Variants in CDH3 observed in about 807,000 individuals in gnomAD.
CDH3 encodes cadherin-3.
Under a neutral mutation model 82.0 loss-of-function variants are expected in CDH3, and 54 were observed. The ratio of observed to expected loss-of-function variants is 0.66; its 90% CI spans 0.53 to 0.83. CDH3 has a LOEUF of 0.83. Ranked by LOEUF, CDH3 falls within the 40% of genes least tolerant of loss-of-function variation. CDH3 has a pLI of 0.00. For missense variants in CDH3, 1,054 were observed against 1,084.6 expected, an observed-to-expected ratio of 0.97 and a Z score of 0.40; for synonymous variants, 446 against 437.9, an observed-to-expected ratio of 1.02 and a Z score of -0.23.
intron 9 of CDH3, among the ~76,000 whole-genome samples, 161 bp from the exon 10 acceptor site, chr16:68,684,422 G>A (rs1961338843): frequency 1.3e-5 from 2 of 152,186 alleles, no homozygotes; most frequent in Admixed American, 6.5e-5. Context: ...GTGCACTCAG[G>A]AAACACGGGA....
intron 14 of CDH3, 66 bp downstream of exon 14, chr16:68,695,451 G>C: frequency 1.3e-6 from 2 of 1,511,354 alleles, no homozygotes; most frequent in Non-Finnish European, 1.8e-6. Context: ...GGGCTGTTGG[G>C]TCAACCAACT....
chr16:68,646,055 GC>G, intron 2 of CDH3: 1 of 437,532 alleles, frequency 2.3e-6, no homozygotes, highest in Admixed American at 3.8e-5. Flanking sequence ...TCCCCCGCTG[GC>G]CCCAGCAGAG....
At chr16:68,717,166 T>C (rs1165881728) in intron 1 of CDH3, among the ~76,000 whole-genome samples, 1 of 152,244 alleles carries the variant, frequency 6.6e-6, no homozygotes, top group Non-Finnish European at 1.5e-5. Flanking sequence ...TTTAAAATTT[T>C]TTTCTATTGC....
chr16:68,665,264 C>T (rs1473393400), intron 2 of CDH3, among the ~76,000 whole-genome samples: 2 of 151,770 alleles, frequency 1.3e-5, no homozygotes, highest in Non-Finnish European at 2.9e-5. Flanking sequence ...AAAAATTAGC[C>T]GGGTGTGGTG....
chr16:68,653,907 C>T (rs745600959), intron 2 of CDH3, among the ~76,000 whole-genome samples: 1 of 151,394 alleles, frequency 6.6e-6, no homozygotes, highest in Non-Finnish European at 1.5e-5. Flanking sequence ...TTAGTAGAGA[C>T]GAGGTTTCGC....
downstream of CDH3, among the ~76,000 whole-genome samples, chr16:68,728,870 C>T (rs1597833424): frequency 3.3e-5 from 5 of 152,126 alleles, no homozygotes; most frequent in South Asian, 4.1e-4. Context: ...GCTATGGGAG[C>T]GCCCGGCAAC....
At chr16:68,727,154 G>C (rs991684741) in exon 3 of CDH3, among the ~76,000 whole-genome samples, 2 of 152,198 alleles carry the variant, frequency 1.3e-5, no homozygotes, top group Non-Finnish European at 2.9e-5. Context: ...TTCTTCTAGA[G>C]CTGGGACACC....
chr16:68,656,792 A>G (rs1195042867), intron 2 of CDH3, among the ~76,000 whole-genome samples: 3 of 152,160 alleles, frequency 2.0e-5, no homozygotes, highest in Non-Finnish European at 4.4e-5. Context: ...TTGAATTCCT[A>G]TTCTCTCCAC....
At chr16:68,700,594 A>G (rs1008308172), downstream of CDH3, among the ~76,000 whole-genome samples, 7 of 152,212 alleles carry the variant, frequency 4.6e-5, no homozygotes, top group Admixed American at 1.3e-4. Flanking sequence ...ACTTGAGGTC[A>G]GGGGTTCGAG....
Position 68,679,802 on chromosome 16 carries a change from C to T in CDH3, c.695C>T (p.Thr232Ile), listed in dbSNP as rs772390040. Residue 232 changes from threonine to isoleucine, a missense_variant, in exon 7 of 16, where the codon ACT becomes ATT. Transcript: ENST00000264012. ...GSVLEGVLPGTSVMQVTATDE... is the reference protein window; with the variant it reads ...GSVLEGVLPGISVMQVTATDE... ...GATACTCATCCCTTCTCTCCAGGTACTTCTGTGATGCAGGTGACAGCCACG... is the reference window on the plus strand; with the variant it reads ...GATACTCATCCCTTCTCTCCAGGTATTTCTGTGATGCAGGTGACAGCCACG... The T allele has an allele frequency of 1.0e-5, 16 of 1,605,896 alleles. No individual in the cohort carries two copies. In the South Asian group the frequency reaches 1.8e-4, roughly 18 times the overall value.
chr16:68,671,579 T>G (rs1020697226), intron 2 of CDH3, among the ~76,000 whole-genome samples: 4 of 136,992 alleles, frequency 2.9e-5, no homozygotes, highest in Admixed American at 8.5e-5. Context: ...TGGAGTGAGG[T>G]GGTGCGATCT....
rs369625818 is a variant in CDH3 at position 68,705,914 on chromosome 16, C to T, written c.99+9991C>T. 1.3e-4 allele frequency among the ~76,000 whole-genome samples: 20 copies of T among 151,306 alleles called. 1 individual carries two copies. The highest frequency in any genetic ancestry group is 4.4e-4 in the African/African-American group (18 of 41,350). Reference sequence around the variant, plus strand: ...CCCCATCTCTACTAAAAATACAAAACATTAGCGCGGCGTGGTGGCACGTGC... The same window carrying T: ...CCCCATCTCTACTAAAAATACAAAATATTAGCGCGGCGTGGTGGCACGTGC... On this transcript the variant is annotated intron_variant, in intron 1 of 2. Coordinates refer to the CDH3 transcript ENST00000569080.
intron 8 of CDH3, 84 bp from the exon 9 acceptor site, chr16:68,682,218 C>A: frequency 6.8e-7 from 1 of 1,465,476 alleles, no homozygotes; most frequent in South Asian, 1.2e-5. Context: ...TGGGGATCCC[C>A]TGAGGTTGGA....
chr16:68,646,832 TAA>T (rs1960088017), intron 2 of CDH3, among the ~76,000 whole-genome samples: 1 of 152,186 alleles, frequency 6.6e-6, no homozygotes. Context: ...AGCATTCTTC[TAA>T]AGTCTCCATC....
At chr16:68,686,182 C>T (rs759604978) in intron 11 of CDH3, among the ~76,000 whole-genome samples, 15 of 152,202 alleles carry the variant, frequency 9.9e-5, no homozygotes, top group Non-Finnish European at 1.9e-4. Context: ...CTGAGTGTGC[C>T]GCCTCCCAGT....
intron 9 of CDH3, 121 bp downstream of exon 9, chr16:68,682,608 C>T: frequency 3.4e-6 from 3 of 892,458 alleles, no homozygotes; most frequent in South Asian, 1.4e-5. Context: ...CCAGTGGCTC[C>T]CAACACTGTT....
chr16:68,711,833 G>A (rs917877227), intron 1 of CDH3, among the ~76,000 whole-genome samples: 2 of 151,952 alleles, frequency 1.3e-5, no homozygotes, highest in South Asian at 2.1e-4. Context: ...TTTCAGTATC[G>A]GACAGTGGAG....
downstream of CDH3, among the ~76,000 whole-genome samples, chr16:68,731,045 A>ATATACAT (rs1396395240): frequency 2.0e-3 from 35 of 17,262 alleles, no homozygotes; most frequent in African/African-American, 5.1e-3. Flanking sequence ...AAAAAAAAAA[A>ATATACAT]AAATATATAT....
chr16:68,684,703 A>T lies in CDH3; in HGVS notation c.1303A>T (p.Asn435Tyr), dbSNP rs1347367862. The change falls in exon 10 of 16, where the codon AAT becomes TAT. Residue 435 changes from asparagine to tyrosine, a missense_variant. By Grantham distance (143) the Asn-to-Tyr change is moderately radical (BLOSUM62 -2). Coordinates refer to ENST00000264012, the MANE Select transcript of CDH3 (RefSeq NM_001793.6). Reference protein sequence around the residue: ...ATIVVHVEDVNEAPVFVPPSK... With the variant: ...ATIVVHVEDVYEAPVFVPPSK... ...CATAGTGGTCCACGTGGAGGATGTG[A>T]ATGAGGCACCTGTGTTTGTCCCACC... is the stretch of plus-strand genomic sequence containing the variant. 1.2e-5 allele frequency: 19 copies of T among 1,614,032 alleles called. No homozygotes were observed. The highest frequency in any genetic ancestry group is 1.6e-5 in the Non-Finnish European group (19 of 1,180,036).
Sources: allele counts gnomAD v4.1 joint callset (sites outside exome capture counted in the v4.1 genomes callset), GRCh38; gene constraint gnomAD v4.1.1; transcripts MANE v1.5; gene names NCBI Gene and HGNC (gene_info 2026-07-23, HGNC 2026-07-21).